Variants in NRG3 observed in about 807,000 individuals in gnomAD.
NRG3 encodes pro-neuregulin-3, membrane-bound isoform.
Under a neutral mutation model 66.9 loss-of-function variants are expected in NRG3, and 31 were observed. The observed-to-expected ratio is 0.46, with a 90% confidence interval of 0.35 to 0.63. The LOEUF is 0.63. NRG3 is among the 20% of genes least tolerant of loss of function. The probability of loss-of-function intolerance (pLI) is 0.00; values close to 1 mark genes in which losing one functional copy is unlikely to be tolerated. For synonymous variants in NRG3, 393 were observed against 359.4 expected (o/e 1.09, Z -1.06); for missense variants, 910 against 878.9 (o/e 1.04, Z -0.45).
At chr10:82,105,286 C>T (rs774398512) in intron 1 of NRG3, among the ~76,000 whole-genome samples, 11 of 152,120 alleles carry the variant, frequency 7.2e-5, no homozygotes, top group Non-Finnish European at 1.3e-4. Flanking sequence ...ATCTGACTGC[C>T]TCATTACCTG....
chr10:82,233,041 T>G (rs2076565028), intron 1 of NRG3: 2 of 515,248 alleles, frequency 3.9e-6, no homozygotes, highest in Non-Finnish European at 7.0e-6. Flanking sequence ...TTGGTTAGTT[T>G]GCGTGCTTCA....
chr10:82,382,779 A>C (rs556943823), intron 2 of NRG3, among the ~76,000 whole-genome samples: 3 of 151,956 alleles, frequency 2.0e-5, no homozygotes, highest in South Asian at 2.1e-4. Flanking sequence ...CATAGACATA[A>C]ATTTCTGCAT....
intron 2 of NRG3, among the ~76,000 whole-genome samples, chr10:82,379,395 A>G (rs2085464214): frequency 6.6e-6 from 1 of 152,182 alleles, no homozygotes; most frequent in Admixed American, 6.5e-5. Context: ...GAATTAGAGA[A>G]AATCTTTAGA....
At chr10:82,509,789 G>A (rs866802466) in intron 2 of NRG3, among the ~76,000 whole-genome samples, 11 of 152,128 alleles carry the variant, frequency 7.2e-5, no homozygotes, top group Admixed American at 5.2e-4. Context: ...CAGAATAAAA[G>A]TGTTCAACCT....
chr10:82,925,603 C>T (rs1312113034), intron 4 of NRG3, among the ~76,000 whole-genome samples: 1 of 152,142 alleles, frequency 6.6e-6, no homozygotes, highest in Non-Finnish European at 1.5e-5. Context: ...TTCTTAATTC[C>T]CAGTAGCAGA....
At chr10:82,581,870 A>G (rs1381271930) in intron 2 of NRG3, among the ~76,000 whole-genome samples, 2 of 152,042 alleles carry the variant, frequency 1.3e-5, no homozygotes, top group African/African-American at 4.8e-5. Flanking sequence ...ACTTAGATCT[A>G]TGATCTATTT....
intron 3 of NRG3, among the ~76,000 whole-genome samples, chr10:82,834,829 C>T (rs1346911757): frequency 6.6e-6 from 1 of 152,182 alleles, no homozygotes; most frequent in Non-Finnish European, 1.5e-5. Flanking sequence ...TTCCCTGGGC[C>T]TCACTTGCAG....
chr10:82,665,632 T>TACCAGCA (rs1357939957), intron 2 of NRG3, among the ~76,000 whole-genome samples: 2 of 152,202 alleles, frequency 1.3e-5, no homozygotes, highest in African/African-American at 4.8e-5. Context: ...TTTAATACCA[T>TACCAGCA]ACCAGCAACC....
intron 2 of NRG3, among the ~76,000 whole-genome samples, chr10:82,443,936 C>G (rs2090574400): frequency 6.6e-6 from 1 of 152,188 alleles, no homozygotes; most frequent in Admixed American, 6.5e-5. Context: ...GGAACACAGC[C>G]GTTATCATAA....
At position 82,959,007 on chromosome 10, in the gene NRG3, A is replaced by T. The variant is rs754526221; in HGVS notation, c.1216A>T (p.Ser406Cys). Residue 406 changes from serine to cysteine, a missense_variant, in exon 6 of 9, where the codon AGT becomes TGT. Transcript: ENST00000372141. ...AGTGCCACAAAATGGTAAAAGCTAC[A>T]GTCTCAAAGCATCCAGCACAATGGC... ...LKVPQNGKSY[S>C]LKASSTMAKS... 25 of 1,608,048 alleles carry T rather than the reference A, an allele frequency of 1.6e-5. No individual in the cohort carries two copies. In the South Asian group the frequency reaches 2.8e-4, roughly 18 times the overall value.
chr10:82,938,706 T>C (rs1848310272), intron 4 of NRG3, among the ~76,000 whole-genome samples: 1 of 152,234 alleles, frequency 6.6e-6, no homozygotes, highest in Non-Finnish European at 1.5e-5. Context: ...GAAGCAAAGT[T>C]AAACGGTCTT....
chr10:82,937,412 G>A (rs879330491), intron 4 of NRG3, among the ~76,000 whole-genome samples: 12 of 152,178 alleles, frequency 7.9e-5, no homozygotes, highest in Non-Finnish European at 1.8e-4. Flanking sequence ...TAAATAGAGC[G>A]AGACCCTGGG....
At chr10:81,916,165 C>G (rs1449964407) in intron 1 of NRG3, among the ~76,000 whole-genome samples, 1 of 152,038 alleles carries the variant, frequency 6.6e-6, no homozygotes, top group Admixed American at 6.6e-5. Context: ...TTTCAAAGGC[C>G]TTTTCACCAC....
chr10:82,011,187 A>G (rs73310516), intron 1 of NRG3, among the ~76,000 whole-genome samples: 17,543 of 152,138 alleles, frequency 0.12, 2,728 homozygotes, highest in African/African-American at 0.35. Flanking sequence ...AGGCCTCACA[A>G]TCATGGTGGA....
At chr10:82,087,210 TATTAAGACTTTATGGAC>T (rs11267507) in intron 1 of NRG3, among the ~76,000 whole-genome samples, 105,959 of 151,644 alleles carry the variant, frequency 0.7, 37,310 homozygotes, top group Middle Eastern at 0.78. Context: ...TTGACAATTG[TATTAAGACTTTATGGAC>T]ATAAGACCTA....
chr10:82,557,398 C>CT (rs1192733151), intron 2 of NRG3, among the ~76,000 whole-genome samples: 1 of 151,738 alleles, frequency 6.6e-6, no homozygotes, highest in Non-Finnish European at 1.5e-5. Context: ...TGATATTGAG[C>CT]TTTTTTTTCA....
chr10:82,138,230 C>T (rs772841790), intron 1 of NRG3, among the ~76,000 whole-genome samples: 2 of 151,960 alleles, frequency 1.3e-5, no homozygotes, highest in African/African-American at 2.4e-5. Flanking sequence ...TGTCCCCAGC[C>T]CTCTGCACCA....
rs1330922482 is a variant in NRG3, at chr10:82,223,672, CACACACACACAT to C, written c.824-135060_824-135049del. 4.5e-4 allele frequency among the ~76,000 whole-genome samples: 67 copies of C among 150,500 alleles called. 1 individual carries two copies. The highest frequency in any genetic ancestry group is 1.9e-3 in the South Asian group (9 of 4,702). On this transcript the variant is annotated intron_variant, in intron 1 of 8. Transcript: ENST00000372141. ...ACACACACACACACACACACACACACACACACACACATACACACCACCCACGTTCTTCTGGAT... is the reference window on the plus strand; with the variant it reads ...ACACACACACACACACACACACACACACACACCACCCACGTTCTTCTGGAT...
At chr10:81,877,568 C>CT (rs1564626735) in intron 1 of NRG3, 1 of 585,044 alleles carries the variant, frequency 1.7e-6, no homozygotes, top group Non-Finnish European at 2.2e-6. Context: ...ACCCTTGAAA[C>CT]TTTTTTCTTT....
Sources: gnomAD v4.1 joint callset for allele counts (sites outside exome capture counted in the v4.1 genomes callset) on GRCh38, gnomAD v4.1.1 for gene constraint, MANE v1.5 for transcripts, NCBI Gene and HGNC (gene_info 2026-07-23, HGNC 2026-07-21) for gene names.